The following CNTN1 variants were observed in gnomAD, a reference collection of about 807,000 sequenced individuals.
CNTN1 encodes contactin 1.
In CNTN1, 38 loss-of-function variants were observed where a neutral mutation model predicts 126.4. The observed-to-expected ratio is 0.30, with a 90% CI of 0.23 to 0.39. CNTN1 has a LOEUF of 0.39. Ranked by LOEUF, CNTN1 falls within the 10% of genes least tolerant of loss-of-function variation. CNTN1 has a pLI of 1.00. For missense variants in CNTN1, 1,009 were observed against 1,248.4 expected (o/e 0.81, Z 2.89); for synonymous variants, 413 against 422.6 (o/e 0.98, Z 0.28).
intron 1 of CNTN1, among the ~76,000 whole-genome samples, chr12:40,743,175 TG>T (rs1938022149): frequency 6.6e-6 from 1 of 151,962 alleles, no homozygotes; most frequent in African/African-American, 2.4e-5. Context: ...GCAATGGGGT[TG>T]GGCAAGGACC....
intron 14 of CNTN1, among the ~76,000 whole-genome samples, chr12:40,948,452 T>A (rs2136967809): frequency 6.6e-6 from 1 of 152,178 alleles, no homozygotes; most frequent in African/African-American, 2.4e-5. Context: ...AGAATTGGGT[T>A]AAATGTTTTT....
At position 40,869,417 on chromosome 12, in the gene CNTN1, T is replaced by C. The variant is rs151229179; in HGVS notation, c.-76-38940T>C. Among the ~76,000 whole-genome samples the C allele has an allele frequency of 7.0e-3, 1,059 of 151,848 alleles. 11 individuals are homozygous for C. Among genetic ancestry groups the C allele is most frequent in the African/African-American group, 0.024 (1,003 of 41,414 alleles). On this transcript the variant is annotated intron_variant, in intron 1 of 23. Coordinates refer to ENST00000551295, the MANE Select transcript of CNTN1 (RefSeq NM_001843.4). ...AGAGTAAGTTTGGACTACAGGTGTA[T>C]GCCACCATGCCTGGCTAACTTTTGT...
intron 23 of CNTN1, among the ~76,000 whole-genome samples, chr12:41,045,695 C>T (rs7313189): frequency 0.022 from 3,345 of 152,154 alleles, 122 homozygotes; most frequent in African/African-American, 0.076. Flanking sequence ...AGAAGCCAGG[C>T]CTCTTGGTAG....
intron 9 of CNTN1, among the ~76,000 whole-genome samples, chr12:40,935,787 G>A (rs10467081): frequency 0.035 from 5,366 of 151,988 alleles, 304 homozygotes; most frequent in African/African-American, 0.12. Flanking sequence ...AGATATATAG[G>A]TGTACATATG....
At chr12:40,788,169 T>C (rs529424816) in intron 1 of CNTN1, among the ~76,000 whole-genome samples, 3 of 152,282 alleles carry the variant, frequency 2.0e-5, no homozygotes, top group South Asian at 4.1e-4. Context: ...CATCTAATGT[T>C]ATCTGCCCTG....
intron 1 of CNTN1, among the ~76,000 whole-genome samples, chr12:40,858,727 C>T (rs777068826): frequency 6.6e-6 from 1 of 152,038 alleles, no homozygotes; most frequent in African/African-American, 2.4e-5. Context: ...GGAATCAACC[C>T]AAATCCTCAA....
At chr12:41,008,670 G>A (rs1948567534) in intron 17 of CNTN1, among the ~76,000 whole-genome samples, 1 of 152,164 alleles carries the variant, frequency 6.6e-6, no homozygotes, top group South Asian at 2.1e-4. Context: ...ATTCTTTTTA[G>A]GACATGTATT....
intron 1 of CNTN1, among the ~76,000 whole-genome samples, chr12:40,893,361 C>T (rs1306051698): frequency 1.3e-5 from 2 of 151,954 alleles, no homozygotes; most frequent in African/African-American, 2.4e-5. Context: ...TTTATATGTT[C>T]AAAATTAGTT....
intron 1 of CNTN1, among the ~76,000 whole-genome samples, chr12:40,720,003 A>AT (rs561694238): frequency 0.037 from 4,727 of 127,158 alleles, 114 homozygotes; most frequent in East Asian, 0.085. Flanking sequence ...CGCCCGGTTA[A>AT]TTTTTTTTTT....
chr12:40,747,260 G>T (rs1938221588), intron 1 of CNTN1, among the ~76,000 whole-genome samples: 1 of 150,570 alleles, frequency 6.6e-6, no homozygotes, highest in Non-Finnish European at 1.5e-5. Flanking sequence ...CAAACCAGTT[G>T]AATTTTGTAC....
At chr12:41,067,938 C>A (rs989324905) in intron 23 of CNTN1, among the ~76,000 whole-genome samples, 1 of 152,156 alleles carries the variant, frequency 6.6e-6, no homozygotes, top group Non-Finnish European at 1.5e-5. Flanking sequence ...AAAAAAATTA[C>A]AAGAATACAA....
chr12:40,911,140 G>A (rs1565930335), intron 3 of CNTN1, among the ~76,000 whole-genome samples: 1 of 152,072 alleles, frequency 6.6e-6, no homozygotes, highest in Non-Finnish European at 1.5e-5. Flanking sequence ...GAGTGCAGCG[G>A]CGCGATCTCG....
At chr12:40,889,954 G>A (rs2136724274) in intron 1 of CNTN1, among the ~76,000 whole-genome samples, 1 of 152,264 alleles carries the variant, frequency 6.6e-6, no homozygotes, top group South Asian at 2.1e-4. Context: ...ATTTGAAACA[G>A]TGGGTGTTCT....
chr12:40,692,861 C>A (rs1941337079), intron 1 of CNTN1, among the ~76,000 whole-genome samples: 1 of 152,148 alleles, frequency 6.6e-6, no homozygotes, highest in African/African-American at 2.4e-5. Flanking sequence ...GGGTCTGTGT[C>A]TCGTCAACTT....
intron 1 of CNTN1, among the ~76,000 whole-genome samples, chr12:40,785,383 G>T (rs1939971717): frequency 6.6e-6 from 1 of 152,074 alleles, no homozygotes; most frequent in Admixed American, 6.5e-5. Flanking sequence ...CAAGGAAGGG[G>T]GTGAGAGAGA....
chr12:40,786,163 C>T (rs147496508), intron 1 of CNTN1, among the ~76,000 whole-genome samples: 9 of 152,192 alleles, frequency 5.9e-5, no homozygotes, highest in Non-Finnish European at 1.0e-4. Flanking sequence ...AATCATTCTC[C>T]GACTCATTTG....
chr12:41,035,060 G>A (rs1401429001), intron 23 of CNTN1, among the ~76,000 whole-genome samples: 2 of 152,088 alleles, frequency 1.3e-5, no homozygotes, highest in Non-Finnish European at 1.5e-5. Flanking sequence ...ATGTCAGGCC[G>A]TGAACAGCAC....
chr12:41,032,221 T>G (rs981333256), intron 23 of CNTN1, among the ~76,000 whole-genome samples: 5 of 149,160 alleles, frequency 3.4e-5, no homozygotes, highest in Non-Finnish European at 5.9e-5. Context: ...GACAGGGGGG[T>G]TTTTTAAAAC....
intron 15 of CNTN1, among the ~76,000 whole-genome samples, chr12:40,962,520 C>T (rs1476608486): frequency 6.6e-6 from 1 of 151,960 alleles, no homozygotes. Flanking sequence ...GGGCCTTTTA[C>T]TGAGAGAAAA....
Sources: allele counts gnomAD v4.1 joint callset (sites outside exome capture counted in the v4.1 genomes callset), GRCh38; gene constraint gnomAD v4.1.1; transcripts MANE v1.5; gene names NCBI Gene and HGNC (gene_info 2026-07-23, HGNC 2026-07-21).